Variants in CAMK2D observed in about 807,000 individuals in gnomAD.
CAMK2D encodes calcium/calmodulin-dependent protein kinase type II subunit delta.
Under a neutral mutation model 84.0 loss-of-function variants are expected in CAMK2D, and 37 were observed. The ratio of observed to expected loss-of-function variants is 0.44; its 90% CI spans 0.34 to 0.58. The LOEUF is 0.58. CAMK2D is among the 20% of genes least tolerant of loss of function. The pLI is 0.02. For missense variants in CAMK2D, 448 were observed against 652.5 expected (o/e 0.69, Z 3.41); for synonymous variants, 202 against 212.5 (o/e 0.95, Z 0.43).
chr4:113,753,994 T>C, intron 2 of CAMK2D: 2 of 966,766 alleles, frequency 2.1e-6, no homozygotes, highest in Non-Finnish European at 2.5e-6. Flanking sequence ...AGATAGCCTT[T>C]ATTTTTCCTA....
In CAMK2D at chr4:113,761,168, G is replaced by T; in HGVS notation, c.-100C>A. The T allele has an allele frequency of 6.3e-7, 1 of 1,596,982 alleles. No individual in the cohort carries two copies. Among genetic ancestry groups the T allele is most frequent in the Non-Finnish European group, 8.5e-7 (1 of 1,175,802 alleles). On this transcript the variant is annotated 5_prime_UTR_variant, in exon 1 of 21. Coordinates refer to ENST00000511664, the MANE Select transcript of CAMK2D (RefSeq NM_001321571.2). The stretch of plus-strand genomic sequence containing the variant: ...TGGCCCCGCGGCGCTGTCACCCAGG[G>T]CCGCTCTTACTTTCCTGGTCCGAAA...
At chr4:113,588,411 C>T (rs183070866) in intron 4 of CAMK2D, among the ~76,000 whole-genome samples, 1 of 152,280 alleles carries the variant, frequency 6.6e-6, no homozygotes, top group Admixed American at 6.5e-5. Flanking sequence ...TGTGAGACAA[C>T]ACTGCCTCTA....
intron 4 of CAMK2D, among the ~76,000 whole-genome samples, chr4:113,572,376 A>G (rs951960196): frequency 1.3e-5 from 2 of 152,088 alleles, no homozygotes; most frequent in African/African-American, 4.8e-5. Context: ...CTAATCTCAT[A>G]CACAGGAAAG....
chr4:113,529,230 T>C (rs978256174), intron 8 of CAMK2D, among the ~76,000 whole-genome samples: 1 of 152,090 alleles, frequency 6.6e-6, no homozygotes, highest in African/African-American at 2.4e-5. Flanking sequence ...GGCATGGAGG[T>C]AACTCTGAAA....
chr4:113,555,975 A>G (rs1338765566), intron 4 of CAMK2D, among the ~76,000 whole-genome samples: 1 of 152,102 alleles, frequency 6.6e-6, no homozygotes, highest in African/African-American at 2.4e-5. Flanking sequence ...CAATCCAGGA[A>G]AGAGCCCTTG....
chr4:113,654,294 T>C (rs1166493697), intron 3 of CAMK2D, among the ~76,000 whole-genome samples: 1 of 152,032 alleles, frequency 6.6e-6, no homozygotes, highest in African/African-American at 2.4e-5. Context: ...CTCATAGGAA[T>C]GGGAAACATG....
chr4:113,723,700 A>AT (rs1562055986), intron 2 of CAMK2D, among the ~76,000 whole-genome samples: 4 of 152,098 alleles, frequency 2.6e-5, no homozygotes, highest in East Asian at 1.9e-4. Context: ...CATATATATA[A>AT]AATGAGCAAA....
At chr4:113,514,970 AT>A (rs1167125079) in intron 10 of CAMK2D, 98 bp downstream of exon 10, 1 of 1,130,410 alleles carries the variant, frequency 8.8e-7, no homozygotes, top group Non-Finnish European at 1.3e-6. Flanking sequence ...TCTGAGTTTC[AT>A]CTTTTTTTGC....
chr4:113,597,638 AT>A (rs2098933352), intron 4 of CAMK2D, among the ~76,000 whole-genome samples: 1 of 152,218 alleles, frequency 6.6e-6, no homozygotes, highest in Non-Finnish European at 1.5e-5. Flanking sequence ...CTGTCTTATC[AT>A]CTGTTTGCTA....
chr4:113,628,254 CTG>C (rs769845682), intron 3 of CAMK2D, among the ~76,000 whole-genome samples: 2 of 152,052 alleles, frequency 1.3e-5, no homozygotes, highest in Non-Finnish European at 2.9e-5. Flanking sequence ...AATTATGACA[CTG>C]TGTTAGAGAC....
chr4:113,453,081 G>A lies in CAMK2D; in HGVS notation c.*1464C>T, dbSNP rs2097268761. 6.6e-6 allele frequency: 1 copy of A among 152,122 alleles called. No individual in the cohort carries two copies. Among genetic ancestry groups the A allele is most frequent in the Non-Finnish European group, 1.5e-5 (1 of 68,020 alleles). The allele number at this position is 152,122 out of a possible 1,614,324, so 9.4% of individuals were successfully genotyped here. On this transcript the variant is annotated 3_prime_UTR_variant, in exon 21 of 21. Transcript: ENST00000511664. ...ATTCCATGCACTGTAAAGCACTTCA[G>A]GGAAGAGAACAAAAATCACAGGAAT...
At chr4:113,667,181 A>AT (rs1346946575) in intron 2 of CAMK2D, among the ~76,000 whole-genome samples, 4 of 152,132 alleles carry the variant, frequency 2.6e-5, no homozygotes, top group Admixed American at 6.6e-5. Context: ...TGCTTATTAC[A>AT]TTTTTTTAAA....
intron 19 of CAMK2D, 74 bp downstream of exon 19, chr4:113,457,261 T>C: frequency 6.4e-7 from 1 of 1,574,706 alleles, no homozygotes. Context: ...TACCATGCTA[T>C]TAACAATGGA....
At chr4:113,525,397 C>T (rs1181285501) in intron 8 of CAMK2D, among the ~76,000 whole-genome samples, 1 of 152,116 alleles carries the variant, frequency 6.6e-6, no homozygotes, top group African/African-American at 2.4e-5. Context: ...ACAAACATTT[C>T]CTCATCCCAT....
chr4:113,476,290 G>T (rs1399790527), intron 16 of CAMK2D, among the ~76,000 whole-genome samples: 2 of 152,146 alleles, frequency 1.3e-5, no homozygotes, highest in Non-Finnish European at 2.9e-5. Context: ...GTCACAACTT[G>T]CAAGACTTAT....
At chr4:113,511,629 T>C (rs1399110193) in intron 12 of CAMK2D, among the ~76,000 whole-genome samples, 1 of 152,200 alleles carries the variant, frequency 6.6e-6, no homozygotes. Flanking sequence ...TTGAATATCA[T>C]ATATATGAAT....
intron 4 of CAMK2D, among the ~76,000 whole-genome samples, chr4:113,589,452 G>C (rs796809424): frequency 2.0e-5 from 3 of 152,278 alleles, no homozygotes; most frequent in African/African-American, 7.2e-5. Context: ...CTATGAGTAA[G>C]GCAGTATGGC....
rs544235431 is a variant in CAMK2D, at chr4:113,565,576, G to A, written c.276-13480C>T. Among the ~76,000 whole-genome samples the A allele has an allele frequency of 4.0e-5, 6 of 151,644 alleles. No individual in the cohort carries two copies. In the South Asian group the frequency reaches 8.4e-4, roughly 21 times the overall value. On this transcript the variant is annotated intron_variant, in intron 4 of 20. Coordinates refer to ENST00000511664, the MANE Select transcript of CAMK2D (RefSeq NM_001321571.2). ...TGAGGTAGGAGAATCGCTCGACCCC[G>A]GGAGGCAGAGGTTGCAGTGAGCCGA...
intron 3 of CAMK2D, among the ~76,000 whole-genome samples, chr4:113,623,728 T>G (rs1371700791): frequency 6.7e-6 from 1 of 149,330 alleles, no homozygotes; most frequent in Non-Finnish European, 1.5e-5. Context: ...TAAACATTGT[T>G]ATGCAGTGAC....
Sources: allele counts gnomAD v4.1 joint callset (sites outside exome capture counted in the v4.1 genomes callset), GRCh38; gene constraint gnomAD v4.1.1; transcripts MANE v1.5; gene names NCBI Gene and HGNC (gene_info 2026-07-23, HGNC 2026-07-21).